The following HACL1 variants were observed in gnomAD, a reference collection of about 807,000 sequenced individuals.
HACL1 encodes the protein 1600020H07Rik.
In HACL1, 64 loss-of-function variants were observed where a neutral mutation model predicts 74.2. That is an observed-to-expected ratio of 0.86 (90% CI 0.70 to 1.06). HACL1 has a LOEUF of 1.06. HACL1 is among the 50% of genes least tolerant of loss of function. The pLI, the probability that HACL1 is intolerant of heterozygous loss-of-function variation, is 0.00. For missense variants in HACL1, 728 were observed against 719.7 expected, an observed-to-expected ratio of 1.01 and a Z score of -0.13; for synonymous variants, 230 against 238.8, an observed-to-expected ratio of 0.96 and a Z score of 0.34.
chr3:15,563,579 A>G, intron 15 of HACL1, 35 bp from the exon 16 acceptor site: 1 of 1,353,436 alleles, frequency 7.4e-7, no homozygotes, highest in Non-Finnish European at 1.0e-6. Context: ...TGAAATTTAA[A>G]TCTTAAACCT....
chr3:15,569,889 C>G (rs1324113897), intron 12 of HACL1, among the ~76,000 whole-genome samples: 1 of 151,600 alleles, frequency 6.6e-6, no homozygotes, highest in African/African-American at 2.4e-5. Context: ...ACTCGGGAGG[C>G]TGAGGCAGGA....
At chr3:15,572,910 C>T (rs1436522464) in intron 11 of HACL1, among the ~76,000 whole-genome samples, 1 of 152,152 alleles carries the variant, frequency 6.6e-6, no homozygotes, top group Non-Finnish European at 1.5e-5. Flanking sequence ...TTACTGTTTG[C>T]CTACTGAAAG....
chr3:15,564,269 C>T (rs1574904895), intron 15 of HACL1, among the ~76,000 whole-genome samples: 1 of 152,196 alleles, frequency 6.6e-6, no homozygotes, highest in Non-Finnish European at 1.5e-5. Context: ...TGCTCCCAGT[C>T]CAGGGAGCAT....
intron 9 of HACL1, among the ~76,000 whole-genome samples, chr3:15,576,077 G>A (rs71627132): frequency 1 from 40,374 of 40,378 alleles, 20,185 homozygotes; most frequent in Middle Eastern, 1. Context: ...AATTGCTTGA[G>A]CTCGGGAGGT....
In HACL1 at chr3:15,571,716, C is replaced by A; in HGVS notation, c.1047G>T (p.Trp349Cys). The change falls in exon 12 of 17, where the codon TGG becomes TGT. Residue 349 changes from tryptophan (W) to cysteine (C), a missense_variant. Trp to Cys is a radical substitution (Grantham distance 215). Coordinates refer to ENST00000321169, the MANE Select transcript of HACL1 (RefSeq NM_012260.4). ...TCATTTTTTCTCTCAGAGTTTTCCA[C>A]CACTTGCTCTCTGGAGGATACTGCC... ...TPWQYPPESK[W>C]WKTLREKMKS... 1.3e-6 allele frequency: 2 copies of A among 1,563,644 alleles called. No individual in the cohort carries two copies. The highest frequency in any genetic ancestry group is 8.8e-7 in the Non-Finnish European group (1 of 1,136,506).
intron 14 of HACL1, 125 bp from the exon 15 acceptor site, chr3:15,564,783 A>C: frequency 1.8e-6 from 1 of 543,252 alleles, no homozygotes; most frequent in Non-Finnish European, 3.3e-6. Flanking sequence ...TTAGAGGAAG[A>C]CTAAAAATCA....
At chr3:15,589,449 A>G (rs2063852191) in intron 5 of HACL1, 91 bp downstream of exon 5, 5 of 759,848 alleles carry the variant, frequency 6.6e-6, no homozygotes, top group Non-Finnish European at 1.1e-5. Flanking sequence ...GTGAGCTGAG[A>G]TGGCACCACT....
At chr3:15,588,944 T>C (rs914218773) in intron 5 of HACL1, among the ~76,000 whole-genome samples, 1 of 152,162 alleles carries the variant, frequency 6.6e-6, no homozygotes, top group Non-Finnish European at 1.5e-5. Context: ...TATTCCTACA[T>C]CTTCTTGACT....
intron 12 of HACL1, among the ~76,000 whole-genome samples, chr3:15,570,065 G>A (rs921689414): frequency 3.3e-5 from 5 of 152,002 alleles, no homozygotes; most frequent in African/African-American, 7.2e-5. Flanking sequence ...GGCCAGGCAC[G>A]GTGGCTCATG....
At chr3:15,570,787 A>T (rs1203502894) in intron 12 of HACL1, among the ~76,000 whole-genome samples, 1 of 152,042 alleles carries the variant, frequency 6.6e-6, no homozygotes, top group Admixed American at 6.6e-5. Context: ...TGCAAATGAG[A>T]GCGCTGCAAA....
Position 15,591,712 on chromosome 3 carries a change from G to A in HACL1, c.228-32C>T, listed in dbSNP as rs374420870. The A allele has an allele frequency of 3.3e-5, 47 of 1,427,996 alleles. 1 individual carries two copies. The South Asian group carries it at 5.1e-4, about 15-fold the overall frequency. 88.5% of individuals were successfully genotyped at this position (1,427,996 alleles called of 1,614,324 possible). Reference sequence around the variant, plus strand: ...GCAAAACAGAATTTATTAAAATCAGGTCAAATGTAACAACTGATTCATAAC... The same window carrying A: ...GCAAAACAGAATTTATTAAAATCAGATCAAATGTAACAACTGATTCATAAC... On this transcript the variant is annotated intron_variant, in intron 3 of 16. Coordinates refer to ENST00000321169, the MANE Select transcript of HACL1 (RefSeq NM_012260.4).
rs1381964655 is a variant in HACL1, at chr3:15,601,130, T to G, written c.146A>C (p.Gln49Pro). The part of the protein sequence containing the change: ...PVTEIAIAAQ[Q>P]LGIKYIGMRN... The stretch of plus-strand genomic sequence containing the variant: ...CATCCCGATGTACTTGATGCCTAGC[T>G]GCTGGGCAGCAATGGCGATTTCGGT... The change falls in exon 2 of 17, where the codon CAG becomes CCG. Residue 49 changes from glutamine to proline, a missense_variant. By Grantham distance (76) the Gln-to-Pro change is moderately conservative. Transcript: ENST00000321169. 3.7e-6 allele frequency: 6 copies of G among 1,613,834 alleles called. No individual in the cohort carries two copies. Among genetic ancestry groups the G allele is most frequent in the Non-Finnish European group, 5.1e-6 (6 of 1,179,764 alleles).
At chr3:15,594,235 C>G (rs1407460783) in intron 3 of HACL1, among the ~76,000 whole-genome samples, 1 of 152,062 alleles carries the variant, frequency 6.6e-6, no homozygotes, top group Non-Finnish European at 1.5e-5. Flanking sequence ...TGATGAAACC[C>G]TGTCTCTAAA....
intron 9 of HACL1, among the ~76,000 whole-genome samples, chr3:15,575,434 C>T (rs1169425923): frequency 1.3e-5 from 2 of 152,136 alleles, no homozygotes; most frequent in African/African-American, 4.8e-5. Flanking sequence ...ATACTTTCAA[C>T]TTATAAACTA....
At position 15,568,447 on chromosome 3, in the gene HACL1, T is replaced by C; in HGVS notation, c.1235A>G (p.Tyr412Cys). The C allele has an allele frequency of 6.3e-7, 1 of 1,592,230 alleles. No individual in the cohort carries two copies. Among genetic ancestry groups the C allele is most frequent in the East Asian group, 2.2e-5 (1 of 44,792 alleles). Residue 412 changes from tyrosine to cysteine, a missense_variant, in exon 13 of 17, where the codon TAC becomes TGC. Physicochemically the swap from Tyr to Cys is radical, Grantham distance 194 (BLOSUM62 -2). Coordinates refer to ENST00000321169, the MANE Select transcript of HACL1 (RefSeq NM_012260.4). ...GAAGTCTTACCTGTGACGAGGAAGG[T>C]AGTTCTGAAGCACAGTCCGTCCAAT... ...MDIGRTVLQN[Y>C]LPRHRLDAGT...
rs558269258 is a variant in HACL1, at chr3:15,592,441, C to T, written c.228-761G>A. Among the ~76,000 whole-genome samples, 203 of 148,104 alleles carry T rather than the reference C, an allele frequency of 1.4e-3. 3 individuals are homozygous for T. The highest frequency in any genetic ancestry group is 3.6e-3 in the Middle Eastern group (1 of 278). ...ACACACACGTATGCATGTAGACACA[C>T]GTATACATACACACACGTATACATA... On this transcript the variant is annotated intron_variant, in intron 3 of 16. Transcript: ENST00000321169.
chr3:15,579,629 T>C (rs1158039788), intron 9 of HACL1, among the ~76,000 whole-genome samples: 1 of 152,146 alleles, frequency 6.6e-6, no homozygotes, highest in Admixed American at 6.6e-5. Context: ...AAATAAACCA[T>C]TTCCAGGCAC....
intron 14 of HACL1, among the ~76,000 whole-genome samples, chr3:15,566,745 T>C (rs78919360): frequency 2.0e-5 from 3 of 150,428 alleles, no homozygotes; most frequent in Non-Finnish European, 3.0e-5. Flanking sequence ...TTTTTTTTTT[T>C]CAAGGAATTT....
At position 15,584,491 on chromosome 3, in the gene HACL1, G is replaced by C. The variant is rs371140435; in HGVS notation, c.554+757C>G. On this transcript the variant is annotated intron_variant, in intron 7 of 16. Coordinates refer to ENST00000321169, the MANE Select transcript of HACL1 (RefSeq NM_012260.4). ...TAATCCCAGCTACTTGGGAGGCTGAGGCAGGAGAATCGCTTGAACCCAGGA... is the reference window on the plus strand; with the variant it reads ...TAATCCCAGCTACTTGGGAGGCTGACGCAGGAGAATCGCTTGAACCCAGGA... Among the ~76,000 whole-genome samples the C allele has an allele frequency of 3.9e-5, 6 of 152,142 alleles. No homozygotes were observed. The East Asian group carries it at 9.6e-4, about 24-fold the overall frequency.
Sources: gnomAD v4.1 joint callset for allele counts (sites outside exome capture counted in the v4.1 genomes callset) on GRCh38, gnomAD v4.1.1 for gene constraint, MANE v1.5 for transcripts, NCBI Gene and HGNC (gene_info 2026-07-23, HGNC 2026-07-21) for gene names.